DYM: variants seen among roughly 807,000 people sequenced by gnomAD.
DYM encodes dyggve-Melchior-Clausen syndrome protein.
Under a neutral mutation model 93.1 loss-of-function variants are expected in DYM, and 78 were observed. That is an observed-to-expected ratio of 0.84 (90% CI 0.70 to 1.01). DYM has a LOEUF of 1.01. DYM is among the 50% of genes least tolerant of loss of function. The pLI, the probability that DYM is intolerant of heterozygous loss-of-function variation, is 0.00. For synonymous variants in DYM, 321 were observed against 319.7 expected, an observed-to-expected ratio of 1.00 and a Z score of -0.04; for missense variants, 789 against 845.0, an observed-to-expected ratio of 0.93 and a Z score of 0.82.
At chr18:49,128,631 C>A (rs1359295453) in intron 15 of DYM, among the ~76,000 whole-genome samples, 2 of 152,038 alleles carry the variant, frequency 1.3e-5, no homozygotes, top group East Asian at 3.9e-4. Flanking sequence ...TTTTTAAAAC[C>A]CCTTCCTAGT....
intron 14 of DYM, among the ~76,000 whole-genome samples, chr18:49,167,582 G>A (rs1056388889): frequency 1.2e-4 from 18 of 152,138 alleles, no homozygotes; most frequent in African/African-American, 3.4e-4. Flanking sequence ...AAATGTATAC[G>A]AGACATGACT....
At chr18:49,283,918 A>C (rs117640241) in intron 9 of DYM, among the ~76,000 whole-genome samples, 8 of 152,232 alleles carry the variant, frequency 5.3e-5, no homozygotes, top group Non-Finnish European at 1.0e-4. Context: ...TGAAATATAG[A>C]CTATTTTTTC....
At chr18:49,127,890 G>C (rs115340392) in intron 15 of DYM, among the ~76,000 whole-genome samples, 9 of 152,196 alleles carry the variant, frequency 5.9e-5, no homozygotes, top group Non-Finnish European at 1.2e-4. Context: ...AGCAGTGGGA[G>C]GGGGAGGCGG....
At chr18:49,202,973 C>T (rs1281695248) in intron 14 of DYM, among the ~76,000 whole-genome samples, 69 of 107,248 alleles carry the variant, frequency 6.4e-4, no homozygotes, top group Non-Finnish European at 1.2e-3. Flanking sequence ...CCCCCCCGCC[C>T]GGCCAGCCGT....
At chr18:49,114,650 C>CT (rs1393566582) in intron 16 of DYM, 534 of 831,446 alleles carry the variant, frequency 6.4e-4, no homozygotes, top group Middle Eastern at 1.9e-3. Context: ...CTTTCAGAGA[C>CT]TTTTTTTTTC....
intron 5 of DYM, among the ~76,000 whole-genome samples, chr18:49,370,406 T>C (rs895083299): frequency 1.3e-5 from 2 of 152,164 alleles, no homozygotes; most frequent in Non-Finnish European, 1.5e-5. Flanking sequence ...GTTGCTTTTA[T>C]CTTCAGCCTC....
Position 49,335,888 on chromosome 18 carries a change from A to C in DYM, c.495-2035T>G, listed in dbSNP as rs555270833. Among the ~76,000 whole-genome samples the C allele has an allele frequency of 9.9e-5, 15 of 151,808 alleles. No individual in the cohort carries two copies. The East Asian group carries it at 2.9e-3, about 29-fold the overall frequency. On this transcript the variant is annotated intron_variant, in intron 6 of 17. Transcript: ENST00000675505. Reference sequence around the variant, plus strand: ...ACACCTAGTGGCGCGATCTTGGCTCACTGCAACCTCCACCTCCCAGGCTCA... The same window carrying C: ...ACACCTAGTGGCGCGATCTTGGCTCCCTGCAACCTCCACCTCCCAGGCTCA...
At chr18:49,102,442 T>C (rs2080265137) in intron 16 of DYM, among the ~76,000 whole-genome samples, 1 of 152,248 alleles carries the variant, frequency 6.6e-6, no homozygotes, top group East Asian at 1.9e-4. Context: ...ATACTTTCAG[T>C]TTTAGGGTAC....
chr18:49,047,909 G>C (rs1483408255), intron 17 of DYM, among the ~76,000 whole-genome samples: 3 of 152,146 alleles, frequency 2.0e-5, no homozygotes, highest in African/African-American at 7.2e-5. Flanking sequence ...ACGGCATCCT[G>C]GTCAGTCACC....
At chr18:49,289,275 A>T (rs2059863812) in intron 8 of DYM, among the ~76,000 whole-genome samples, 1 of 152,066 alleles carries the variant, frequency 6.6e-6, no homozygotes, top group African/African-American at 2.4e-5. Context: ...CATGAAGAAT[A>T]TTCATTTGAC....
chr18:49,309,038 A>T (rs1350804036), intron 8 of DYM, among the ~76,000 whole-genome samples: 1 of 150,234 alleles, frequency 6.7e-6, no homozygotes, highest in Non-Finnish European at 1.5e-5. Flanking sequence ...ACAAGATAGG[A>T]TTTTAAAAGC....
intron 14 of DYM, among the ~76,000 whole-genome samples, chr18:49,170,345 A>G (rs1331178487): frequency 1.3e-5 from 2 of 152,150 alleles, no homozygotes; most frequent in Non-Finnish European, 2.9e-5. Flanking sequence ...ACAGGTGGAG[A>G]TGGTCAGAAA....
chr18:49,358,179 A>G (rs2065729942), intron 6 of DYM, among the ~76,000 whole-genome samples: 1 of 152,178 alleles, frequency 6.6e-6, no homozygotes, highest in Admixed American at 6.5e-5. Context: ...GTAAATAAAT[A>G]ACACATGAAA....
At chr18:49,281,248 A>G (rs1317419445) in intron 10 of DYM, among the ~76,000 whole-genome samples, 3 of 152,242 alleles carry the variant, frequency 2.0e-5, no homozygotes, top group Non-Finnish European at 4.4e-5. Flanking sequence ...CAAAACCTCA[A>G]TGAGATACCA....
At chr18:49,460,064 A>G (rs1044809032) in intron 1 of DYM, among the ~76,000 whole-genome samples, 3 of 152,206 alleles carry the variant, frequency 2.0e-5, no homozygotes, top group East Asian at 1.9e-4. Context: ...TATGAATGTA[A>G]AAAGAAGAAA....
chr18:49,055,823 T>G (rs1183272250), intron 17 of DYM, among the ~76,000 whole-genome samples: 2 of 152,194 alleles, frequency 1.3e-5, no homozygotes, highest in Admixed American at 6.5e-5. Context: ...AGGCAAAGAC[T>G]ACGATGAGCT....
At chr18:49,263,078 C>T (rs142596433) in intron 11 of DYM, among the ~76,000 whole-genome samples, 14 of 152,012 alleles carry the variant, frequency 9.2e-5, no homozygotes, top group East Asian at 3.9e-4. Flanking sequence ...AGTACATCTG[C>T]GAGAATTTAC....
chr18:49,277,953 T>C (rs936130500), intron 10 of DYM, among the ~76,000 whole-genome samples: 4 of 152,200 alleles, frequency 2.6e-5, no homozygotes, highest in Admixed American at 2.0e-4. Flanking sequence ...CCCAGAGATT[T>C]ACTAATAATC....
At chr18:49,350,717 AAAAAAAAAG>A (rs2065035582) in intron 6 of DYM, among the ~76,000 whole-genome samples, 1 of 132,404 alleles carries the variant, frequency 7.6e-6, no homozygotes, top group Non-Finnish European at 1.6e-5. Flanking sequence ...AGAAAAAAAG[AAAAAAAAAG>A]AAAAAAAAAA....
Sources: gnomAD v4.1 joint callset for allele counts (sites outside exome capture counted in the v4.1 genomes callset) on GRCh38, gnomAD v4.1.1 for gene constraint, MANE v1.5 for transcripts, NCBI Gene and HGNC (gene_info 2026-07-23, HGNC 2026-07-21) for gene names.